DMTF1: variants seen among roughly 807,000 people sequenced by gnomAD.
DMTF1 encodes cyclin-D-binding Myb-like transcription factor 1.
Under a neutral mutation model 91.1 loss-of-function variants are expected in DMTF1, and 39 were observed. That is an observed-to-expected ratio of 0.43 (90% confidence interval 0.33 to 0.56). The LOEUF is 0.56. Ranked by LOEUF, DMTF1 falls within the 20% of genes least tolerant of loss-of-function variation. DMTF1 has a pLI of 0.05. For missense variants in DMTF1, 750 were observed against 914.5 expected, an observed-to-expected ratio of 0.82 and a Z score of 2.32; for synonymous variants, 338 against 309.5, an observed-to-expected ratio of 1.09 and a Z score of -0.97.
At position 87,182,436 on chromosome 7, in the gene DMTF1, C is replaced by G. The variant is rs112748004; in HGVS notation, c.820+99C>G. ...TTTGCTCTTGGGGAGCGATTTAGAT[C>G]ATTCACCTTAGTTCAGACTTTATTT... On this transcript the variant is annotated intron_variant, in intron 10 of 17. Coordinates refer to ENST00000331242, the MANE Select transcript of DMTF1 (RefSeq NM_001142327.2). The G allele has an allele frequency of 2.5e-4, 275 of 1,095,956 alleles. 1 individual carries two copies. In the African/African-American group the frequency reaches 3.7e-3, roughly 15 times the overall value. The allele number at this position is 1,095,956 out of a possible 1,614,324, so 67.9% of individuals were successfully genotyped here.
intron 5 of DMTF1, among the ~76,000 whole-genome samples, chr7:87,172,203 C>T (rs1056828266): frequency 6.6e-6 from 1 of 152,132 alleles, no homozygotes; most frequent in Admixed American, 6.6e-5. Flanking sequence ...AAATTGTGAT[C>T]TTCAGAATAT....
intron 14 of DMTF1, 73 bp from the exon 15 acceptor site, chr7:87,193,122 TAAA>T: frequency 1.3e-6 from 2 of 1,506,480 alleles, no homozygotes; most frequent in Non-Finnish European, 1.8e-6. Flanking sequence ...TTGTGTCTAG[TAAA>T]CTAAACTCAG....
intron 1 of DMTF1, among the ~76,000 whole-genome samples, chr7:87,162,194 C>T (rs1792616464): frequency 6.6e-6 from 1 of 152,180 alleles, no homozygotes; most frequent in Admixed American, 6.5e-5. Context: ...CCACCTCAGC[C>T]TCCAGAGTAG....
chr7:87,186,475 C>G (rs1419381913), intron 12 of DMTF1: 1 of 153,780 alleles, frequency 6.5e-6, no homozygotes, highest in Non-Finnish European at 1.4e-5. Context: ...TCTCCAACTC[C>G]TGGGCTCAAG....
At position 87,165,015 on chromosome 7, in the gene DMTF1, C is replaced by G. The variant is rs758765703; in HGVS notation, c.74C>G (p.Thr25Arg). 1.2e-6 allele frequency: 2 copies of G among 1,610,902 alleles called. No individual in the cohort carries two copies. Among genetic ancestry groups the G allele is most frequent in the Non-Finnish European group, 1.7e-6 (2 of 1,178,392 alleles). ...TVNSVTLTQD[T>R]EGNLILHCPQ... ...AACTCTGTGACTTTGACTCAGGACACAGAAGGGAATCTCATTCTTCACTGC... is the reference window on the plus strand; with the variant it reads ...AACTCTGTGACTTTGACTCAGGACAGAGAAGGGAATCTCATTCTTCACTGC... Residue 25 changes from threonine to arginine, a missense_variant, in exon 3 of 18, where the codon ACA becomes AGA. Thr to Arg is a moderately conservative substitution (Grantham distance 71). Coordinates refer to ENST00000331242, the MANE Select transcript of DMTF1 (RefSeq NM_001142327.2).
intron 1 of DMTF1, among the ~76,000 whole-genome samples, chr7:87,155,835 T>A (rs1368611312): frequency 6.7e-5 from 10 of 148,926 alleles, no homozygotes; most frequent in Non-Finnish European, 1.5e-4. Flanking sequence ...GAGAGCTCAT[T>A]ATGAACAGTT....
At chr7:87,170,923 C>G in intron 4 of DMTF1, 72 bp from the exon 5 acceptor site, 1 of 977,152 alleles carries the variant, frequency 1.0e-6, no homozygotes, top group Admixed American at 2.1e-5. Flanking sequence ...TGTTTTTTTT[C>G]CCATGGATAT....
chr7:87,190,259 C>T (rs542353093), intron 13 of DMTF1, among the ~76,000 whole-genome samples: 4 of 151,880 alleles, frequency 2.6e-5, no homozygotes, highest in African/African-American at 7.2e-5. Flanking sequence ...TTTGTGTTTA[C>T]AAGCACTTTT....
intron 11 of DMTF1, 103 bp from the exon 12 acceptor site, chr7:87,185,726 C>A: frequency 7.8e-7 from 1 of 1,283,558 alleles, no homozygotes; most frequent in Non-Finnish European, 1.1e-6. Flanking sequence ...TTGGCATAAC[C>A]TGCCATTCCC....
At chr7:87,168,456 AG>A (rs1794325341) in intron 4 of DMTF1, among the ~76,000 whole-genome samples, 1 of 152,178 alleles carries the variant, frequency 6.6e-6, no homozygotes, top group Admixed American at 6.5e-5. Flanking sequence ...CACTTCCTGT[AG>A]GGCTCTAACT....
At chr7:87,167,319 T>C (rs1231780211) in intron 4 of DMTF1, among the ~76,000 whole-genome samples, 2 of 152,216 alleles carry the variant, frequency 1.3e-5, no homozygotes, top group Non-Finnish European at 2.9e-5. Flanking sequence ...AGTGCAATAC[T>C]GTTGGCACAA....
chr7:87,194,355 A>G (rs1800669425), intron 16 of DMTF1: 2 of 466,908 alleles, frequency 4.3e-6, no homozygotes, highest in African/African-American at 4.1e-5. Context: ...ACATTGAGAA[A>G]TGTTTGTTAG....
In DMTF1 at chr7:87,173,493, G is replaced by T. The variant is rs1398524840; in HGVS notation, c.328-42G>T. 2.6e-5 allele frequency: 35 copies of T among 1,329,186 alleles called. No homozygotes were observed. In the Admixed American group the frequency reaches 3.1e-4, roughly 12 times the overall value. 82.3% of individuals were successfully genotyped at this position (1,329,186 alleles called of 1,614,324 possible). ...CATTAAATCAAGCTGCCATTTTTTTGTTTTGTTTTGTTTTGTTTTGTTTTA... is the reference window on the plus strand; with the variant it reads ...CATTAAATCAAGCTGCCATTTTTTTTTTTTGTTTTGTTTTGTTTTGTTTTA... On this transcript the variant is annotated intron_variant, in intron 5 of 17. Transcript: ENST00000331242.
chr7:87,158,540 G>A (rs1025410992), intron 1 of DMTF1, among the ~76,000 whole-genome samples: 2 of 151,976 alleles, frequency 1.3e-5, no homozygotes, highest in African/African-American at 4.8e-5. Context: ...AAAACTTTAA[G>A]AGTTATAATA....
At chr7:87,185,722 T>C in intron 11 of DMTF1, 107 bp from the exon 12 acceptor site, 1 of 1,248,218 alleles carries the variant, frequency 8.0e-7, no homozygotes, top group Non-Finnish European at 1.1e-6. Context: ...CTCATTGGCA[T>C]AACCTGCCAT....
chr7:87,187,765 A>G, intron 12 of DMTF1: 1 of 296,926 alleles, frequency 3.4e-6, no homozygotes, highest in South Asian at 4.3e-5. Context: ...CATTGCCAGT[A>G]TTCTTCCTAA....
At chr7:87,164,085 T>C (rs1033080023) in intron 2 of DMTF1, among the ~76,000 whole-genome samples, 12 of 134,438 alleles carry the variant, frequency 8.9e-5, no homozygotes, top group Admixed American at 2.2e-4. Context: ...AAAAGCTTAA[T>C]AAACATTGAG....
rs747228809 is a variant in DMTF1 at position 87,193,978 on chromosome 7, T to A, written c.1904T>A (p.Phe635Tyr). ...PSFNDAHVSKFSDQNSTELMN... is the reference protein window; with the variant it reads ...PSFNDAHVSKYSDQNSTELMN... The stretch of plus-strand genomic sequence containing the variant: ...TTTAATGATGCTCATGTATCCAAAT[T>A]CAGTGACCAAAATAGCACAGAACTG... The change falls in exon 16 of 18, where the codon TTC becomes TAC. Residue 635 changes from phenylalanine (F) to tyrosine (Y), a missense_variant. By Grantham distance (22) the Phe-to-Tyr change is conservative (BLOSUM62 3). Transcript: ENST00000331242. 2.5e-6 allele frequency: 4 copies of A among 1,613,278 alleles called. No homozygotes were observed. Among genetic ancestry groups the A allele is most frequent in the Middle Eastern group, 1.7e-4 (1 of 6,052 alleles).
Position 87,166,546 on chromosome 7 carries a change from C to G in DMTF1, c.173C>G (p.Ser58Cys). Residue 58 changes from serine (S) to cysteine (C), a missense_variant, in exon 4 of 18, where the codon TCT (serine) becomes TGT (cysteine). Ser to Cys is a moderately radical substitution (Grantham distance 112). This residue lies in a region of DMTF1 where 150 missense variants were observed against 150.4 expected (regional missense o/e 1.00). Coordinates refer to ENST00000331242, the MANE Select transcript of DMTF1 (RefSeq NM_001142327.2). ...EPPHKRLCLS[S>C]EDDQSIDDST... ...CCACATAAAAGGCTTTGTTTGTCCT[C>G]TGAGGATGATCAGAGTATTGATGAT... The G allele has an allele frequency of 6.2e-7, 1 of 1,613,124 alleles. No individual in the cohort carries two copies. Among genetic ancestry groups the G allele is most frequent in the East Asian group, 2.2e-5 (1 of 44,836 alleles).
Sources: allele counts gnomAD v4.1 joint callset (sites outside exome capture counted in the v4.1 genomes callset), GRCh38; gene constraint gnomAD v4.1.1; regional missense constraint gnomAD v4.1.1; transcripts MANE v1.5; gene names NCBI Gene and HGNC (gene_info 2026-07-23, HGNC 2026-07-21).